AMZ1: variants seen among roughly 807,000 people sequenced by gnomAD.
The protein encoded by AMZ1 is archaemetzincin-1.
Under a neutral mutation model 29.9 loss-of-function variants are expected in AMZ1, and 39 were observed. That is an observed-to-expected ratio of 1.30 (90% CI 1.01 to 1.70). The LOEUF is 1.70. Among genes scored for constraint, AMZ1 ranks in the 40% most tolerant of loss-of-function variants. AMZ1 has a pLI of 0.00. For missense variants in AMZ1, 1,041 were observed against 680.6 expected (o/e 1.53, Z -5.89); for synonymous variants, 458 against 304.0 (o/e 1.51, Z -5.27).
Position 2,717,144 on chromosome 7 carries a change from G to T in AMZ1, c.*4266G>T, listed in dbSNP as rs753602407. The stretch of plus-strand genomic sequence containing the variant: ...GCAGCTCCTTCGGACTCTGAGGAGA[G>T]GCCTGGGTGGGTGGCCGGCACTCTT... On this transcript the variant is annotated 3_prime_UTR_variant, in exon 7 of 7. Coordinates refer to ENST00000683327, the MANE Select transcript of AMZ1 (RefSeq NM_001384743.1). Among the ~76,000 whole-genome samples, 1 of 152,200 alleles carries T rather than the reference G, an allele frequency of 6.6e-6. No individual in the cohort carries two copies. The highest frequency in any genetic ancestry group is 1.5e-5 in the Non-Finnish European group (1 of 68,038).
chr7:2,754,380 T>A (rs1791189255), intron 4 of AMZ1, among the ~76,000 whole-genome samples: 1 of 152,068 alleles, frequency 6.6e-6, no homozygotes, highest in South Asian at 2.1e-4. Context: ...AGATAATGAG[T>A]CCTTTGTCGG....
intron 4 of AMZ1, among the ~76,000 whole-genome samples, chr7:2,739,495 AT>A (rs34284729): frequency 0.58 from 88,106 of 152,002 alleles, 25,767 homozygotes; most frequent in Admixed American, 0.63. Flanking sequence ...ATATATGTAT[AT>A]TACATGCCAT....
rs924946922 is a variant in AMZ1, at chr7:2,715,205, G to C, written c.*2327G>C. ...ACCTTTCCTGCACTCCACGGCGGCA[G>C]TGACAAGGACCCCACCCCAGGTTCA... On this transcript the variant is annotated 3_prime_UTR_variant, in exon 7 of 7. Transcript: ENST00000683327. The C allele has an allele frequency of 1.3e-5, 2 of 152,302 alleles. No homozygotes were observed. Among genetic ancestry groups the C allele is most frequent in the African/African-American group, 4.8e-5 (2 of 41,426 alleles). The allele number at this position is 152,302 out of a possible 1,614,324, so 9.4% of individuals were successfully genotyped here. A position where few individuals can be genotyped will look rare whatever the true frequency, so the allele number is the denominator to read the frequency against.
upstream of AMZ1, chr7:2,762,876 C>T (rs1448272737): frequency 1.4e-6 from 2 of 1,441,150 alleles, no homozygotes; most frequent in Admixed American, 2.7e-5. Flanking sequence ...CCGAGCCCTG[C>T]TCGTGGAGCC....
At chr7:2,682,834 G>A (rs1422583800) in intron 1 of AMZ1, among the ~76,000 whole-genome samples, 1 of 150,882 alleles carries the variant, frequency 6.6e-6, no homozygotes, top group African/African-American at 2.4e-5. Context: ...CCAGATCCCT[G>A]CAGGCATTCT....
intron 4 of AMZ1, among the ~76,000 whole-genome samples, chr7:2,756,176 T>A (rs961954809): frequency 6.6e-6 from 1 of 152,102 alleles, no homozygotes; most frequent in Non-Finnish European, 1.5e-5. Context: ...TATAAAAAAT[T>A]GACAAGGCAA....
intron 3 of AMZ1, among the ~76,000 whole-genome samples, chr7:2,703,752 C>T (rs1180826470): frequency 6.6e-6 from 1 of 152,224 alleles, no homozygotes; most frequent in Non-Finnish European, 1.5e-5. Context: ...CCATTCTCTT[C>T]TCTCCTATGA....
intron 6 of AMZ1, among the ~76,000 whole-genome samples, chr7:2,710,072 G>C (rs1037199421): frequency 6.6e-6 from 1 of 152,238 alleles, no homozygotes; most frequent in South Asian, 2.1e-4. Flanking sequence ...GTGGGGACGA[G>C]GGCTTTTCTC....
At chr7:2,710,843 C>T (rs764910055) in intron 6 of AMZ1, among the ~76,000 whole-genome samples, 3 of 152,196 alleles carry the variant, frequency 2.0e-5, no homozygotes, top group African/African-American at 7.2e-5. Context: ...GATGGCTGGT[C>T]AGCACCTGGT....
Position 2,696,531 on chromosome 7 carries a change from A to C in AMZ1, c.-218-3703A>C, listed in dbSNP as rs1301260781. Among the ~76,000 whole-genome samples, 5 of 148,774 alleles carry C rather than the reference A, an allele frequency of 3.4e-5. No individual in the cohort carries two copies. The East Asian group carries it at 8.6e-4, about 26-fold the overall frequency. ...CTGGGCCTCCCAAAGTGCTGTGATT[A>C]CAGGCGTGAGCCACCGCACCTGGCC... On this transcript the variant is annotated intron_variant, in intron 1 of 6. Coordinates refer to ENST00000683327, the MANE Select transcript of AMZ1 (RefSeq NM_001384743.1).
intron 4 of AMZ1, among the ~76,000 whole-genome samples, chr7:2,752,406 C>T (rs537588527): frequency 6.6e-6 from 1 of 152,290 alleles, no homozygotes; most frequent in East Asian, 1.9e-4. Context: ...ACTTTTACTG[C>T]TTCTGGTCAA....
Position 2,717,369 on chromosome 7 carries a change from T to G in AMZ1, c.*4491T>G, listed in dbSNP as rs1789189666. Among the ~76,000 whole-genome samples, 1 of 152,234 alleles carries G rather than the reference T, an allele frequency of 6.6e-6. No homozygotes were observed. Among genetic ancestry groups the G allele is most frequent in the Non-Finnish European group, 1.5e-5 (1 of 68,044 alleles). The stretch of plus-strand genomic sequence containing the variant: ...TGGAAGCAAACGACGGCCCGTCCTC[T>G]AAGCTGGCTTTGCAGCTCCAGTAAG... On this transcript the variant is annotated 3_prime_UTR_variant, in exon 7 of 7. Transcript: ENST00000683327.
upstream of AMZ1, chr7:2,762,809 G>A: frequency 6.5e-7 from 1 of 1,529,392 alleles, no homozygotes; most frequent in Non-Finnish European, 8.8e-7. Context: ...ACTCAGGGCG[G>A]CCTCCCATCC....
intron 4 of AMZ1, among the ~76,000 whole-genome samples, chr7:2,743,922 C>T (rs1790634312): frequency 6.6e-6 from 1 of 151,910 alleles, no homozygotes; most frequent in Non-Finnish European, 1.5e-5. Context: ...TTGCTCATTG[C>T]TAGCACAGCA....
intron 4 of AMZ1, among the ~76,000 whole-genome samples, chr7:2,759,606 C>T (rs1791464371): frequency 6.6e-6 from 1 of 152,216 alleles, no homozygotes; most frequent in Admixed American, 6.5e-5. Flanking sequence ...TTATGAATTA[C>T]TGTTGATGTT....
intron 3 of AMZ1, among the ~76,000 whole-genome samples, chr7:2,704,236 C>G (rs1788220566): frequency 6.6e-6 from 1 of 152,180 alleles, no homozygotes; most frequent in Admixed American, 6.5e-5. Context: ...GACATGGTGG[C>G]TCACACATGT....
chr7:2,709,097 C>A lies in AMZ1; in HGVS notation c.624C>A (p.Ala208=). 6.3e-7 allele frequency: 1 copy of A among 1,598,990 alleles called. No homozygotes were observed. The highest frequency in any genetic ancestry group is 8.5e-7 in the Non-Finnish European group (1 of 1,172,582). ...PGHEVGVCSF[A]RFSGEFPKSG... is the part of the protein sequence containing the mutation. ...CAGAAGTGGGCGTCTGCAGCTTCGCCCGGTTCTCAGGGGAATTCCCGAAGT... is the reference window on the plus strand; with the variant it reads ...CAGAAGTGGGCGTCTGCAGCTTCGCACGGTTCTCAGGGGAATTCCCGAAGT... The change falls in exon 5 of 7, where the codon GCC becomes GCA. Residue 208 remains alanine, a synonymous_variant. Transcript: ENST00000683327.
At position 2,715,185 on chromosome 7, in the gene AMZ1, T is replaced by G. The variant is rs1789047854; in HGVS notation, c.*2307T>G. 6.6e-6 allele frequency: 1 copy of G among 152,234 alleles called. No homozygotes were observed. The highest frequency in any genetic ancestry group is 6.5e-5 in the Admixed American group (1 of 15,272). The allele number at this position is 152,234 out of a possible 1,614,324, so 9.4% of individuals were successfully genotyped here. On this transcript the variant is annotated 3_prime_UTR_variant, in exon 7 of 7. Coordinates refer to ENST00000683327, the MANE Select transcript of AMZ1 (RefSeq NM_001384743.1). ...GCCTCACGTCACAGAGCGTCACCTTTCCTGCACTCCACGGCGGCAGTGACA... is the reference window on the plus strand; with the variant it reads ...GCCTCACGTCACAGAGCGTCACCTTGCCTGCACTCCACGGCGGCAGTGACA...
chr7:2,713,006 C>T lies in AMZ1; in HGVS notation c.*128C>T, dbSNP rs557448536. ...TGCCTGGGTGGTGGCTCAGGCCTGT[C>T]ATCCCATCACTTTGAGAGGCCAGGA... On this transcript the variant is annotated 3_prime_UTR_variant, in exon 7 of 7. Coordinates refer to ENST00000683327, the MANE Select transcript of AMZ1 (RefSeq NM_001384743.1). The T allele has an allele frequency of 2.8e-6, 3 of 1,059,418 alleles. No homozygotes were observed. Among genetic ancestry groups the T allele is most frequent in the African/African-American group, 3.3e-5 (2 of 60,498 alleles). 65.6% of individuals were successfully genotyped at this position (1,059,418 alleles called of 1,614,324 possible).
Sources: gnomAD v4.1 joint callset for allele counts (sites outside exome capture counted in the v4.1 genomes callset) on GRCh38, gnomAD v4.1.1 for gene constraint, MANE v1.5 for transcripts, NCBI Gene and HGNC (gene_info 2026-07-23, HGNC 2026-07-21) for gene names.